The following BAZ2B variants were observed in gnomAD, a reference collection of about 807,000 sequenced individuals.
The protein encoded by BAZ2B is bromodomain adjacent to zinc finger domain protein 2B.
Under a neutral mutation model 246.0 loss-of-function variants are expected in BAZ2B, and 91 were observed. The ratio of observed to expected loss-of-function variants is 0.37; its 90% confidence interval spans 0.31 to 0.44. BAZ2B has a LOEUF of 0.44. Among genes scored for constraint, BAZ2B ranks in the 20% least tolerant of loss-of-function variants. The probability of loss-of-function intolerance (pLI) is 1.00; values close to 1 mark genes in which losing one functional copy is unlikely to be tolerated. For missense variants in BAZ2B, 2,332 were observed against 2,533.7 expected, an observed-to-expected ratio of 0.92 and a Z score of 1.71; for synonymous variants, 855 against 860.0, an observed-to-expected ratio of 0.99 and a Z score of 0.10.
intron 30 of BAZ2B, among the ~76,000 whole-genome samples, chr2:159,348,016 T>C (rs1172856096): frequency 1.3e-5 from 2 of 152,054 alleles, no homozygotes. Context: ...GATGTTCACA[T>C]CCCTTATATA....
chr2:159,698,297 G>A, the BAZ2B span, among the ~76,000 whole-genome samples: 1 of 151,930 alleles, frequency 6.6e-6, no homozygotes, highest in South Asian at 2.1e-4. Context: ...TGAGGTGGGA[G>A]GATTGCTTGA....
At chr2:159,628,860 A>G in the BAZ2B span, among the ~76,000 whole-genome samples, 5 of 152,228 alleles carry the variant, frequency 3.3e-5, no homozygotes, top group African/African-American at 1.2e-4. Flanking sequence ...AGCAAAAGAA[A>G]CTATCATCAG....
At chr2:159,699,787 G>A in the BAZ2B span, among the ~76,000 whole-genome samples, 1 of 152,066 alleles carries the variant, frequency 6.6e-6, no homozygotes, top group South Asian at 2.1e-4. Context: ...TAATTACAAG[G>A]AATTTTATCA....
At chr2:159,585,693 C>G (rs114716833) in intron 1 of BAZ2B, among the ~76,000 whole-genome samples, 1,920 of 152,208 alleles carry the variant, frequency 0.013, 24 homozygotes, top group African/African-American at 0.044. Flanking sequence ...ATTTCTGATA[C>G]CCAGAATTAT....
chr2:159,637,806 T>G, the BAZ2B span, among the ~76,000 whole-genome samples: 2 of 152,164 alleles, frequency 1.3e-5, no homozygotes, highest in African/African-American at 4.8e-5. Context: ...AAGCAATCCA[T>G]CTACCTCAGC....
the BAZ2B span, among the ~76,000 whole-genome samples, chr2:159,631,689 A>T: frequency 4.6e-5 from 7 of 152,338 alleles, no homozygotes; most frequent in East Asian, 1.4e-3. Flanking sequence ...ACAAATGTGT[A>T]TTTTAATAAA....
chr2:159,637,854 ACCTGGC>A, the BAZ2B span, among the ~76,000 whole-genome samples: 1 of 152,190 alleles, frequency 6.6e-6, no homozygotes, highest in Non-Finnish European at 1.5e-5. Context: ...GAGCCACCAC[ACCTGGC>A]TGTAAATTTC....
Position 159,406,961 on chromosome 2 carries a change from AGACAG to A in BAZ2B, c.2678-1852_2678-1848del, listed in dbSNP as rs2066037551. 4.0e-5 allele frequency among the ~76,000 whole-genome samples: 6 copies of A among 151,694 alleles called. No individual in the cohort carries two copies. The South Asian group carries it at 1.3e-3, about 32-fold the overall frequency. ...AGTAGAGACGGGGTTTCACCGTGTT[AGACAG>A]GATGGTCTCGATCTCCTGACCTCGT... is the stretch of plus-strand genomic sequence containing the variant. On this transcript the variant is annotated intron_variant, in intron 14 of 36. Coordinates refer to ENST00000392783, the MANE Select transcript of BAZ2B (RefSeq NM_013450.4).
chr2:159,684,838 G>T, the BAZ2B span, among the ~76,000 whole-genome samples: 2 of 152,120 alleles, frequency 1.3e-5, no homozygotes, highest in African/African-American at 4.8e-5. Context: ...AAAATAATTT[G>T]ATTTAGTAGT....
At chr2:159,326,047 T>C (rs1308786281) in intron 34 of BAZ2B, 129 bp from the exon 35 acceptor site, 7 of 762,694 alleles carry the variant, frequency 9.2e-6, no homozygotes, top group Non-Finnish European at 1.4e-5. Context: ...TGTTGATAAC[T>C]ATTATTCTTA....
chr2:159,703,495 A>C, the BAZ2B span, among the ~76,000 whole-genome samples: 1 of 934 alleles, frequency 1.1e-3, no homozygotes, highest in East Asian at 3.5e-3. Context: ...TACCCCCCGC[A>C]AAAAAAAAGC....
chr2:159,452,607 A>G (rs764819957), intron 4 of BAZ2B, among the ~76,000 whole-genome samples: 15 of 152,234 alleles, frequency 9.9e-5, no homozygotes, highest in Non-Finnish European at 2.1e-4. Context: ...ACTAAAATTT[A>G]TTAAAGCCAA....
At position 159,374,077 on chromosome 2, in the gene BAZ2B, T is replaced by C. The variant is rs1463505816; in HGVS notation, c.4068+614A>G. ...TTCAGTTTTTCTTAGTTTTTTTTTC[T>C]TTTTTTTTTTTTTTTAGAGACAGGG... On this transcript the variant is annotated intron_variant, in intron 26 of 36. Coordinates refer to ENST00000392783, the MANE Select transcript of BAZ2B (RefSeq NM_013450.4). 3.7e-3 allele frequency among the ~76,000 whole-genome samples: 36 copies of C among 9,628 alleles called. No individual in the cohort carries two copies. In the South Asian group the frequency reaches 0.068, roughly 18 times the overall value. 6.3% of individuals were successfully genotyped at this position (9,628 alleles called of 152,430 possible).
the BAZ2B span, among the ~76,000 whole-genome samples, chr2:159,704,561 C>T: frequency 6.8e-6 from 1 of 147,960 alleles, no homozygotes; most frequent in Non-Finnish European, 1.5e-5. Context: ...CAGCTCACTG[C>T]GACCTCCACC....
the BAZ2B span, among the ~76,000 whole-genome samples, chr2:159,637,941 G>A: frequency 2.6e-5 from 4 of 152,122 alleles, no homozygotes; most frequent in Non-Finnish European, 5.9e-5. Context: ...GGAGGAACTC[G>A]CCACCCTGAA....
chr2:159,488,747 G>GA, intron 2 of BAZ2B, among the ~76,000 whole-genome samples: 1 of 152,030 alleles, frequency 6.6e-6, no homozygotes, highest in South Asian at 2.1e-4. Context: ...TTTAGCATAG[G>GA]AAAAACTACT....
the BAZ2B span, among the ~76,000 whole-genome samples, chr2:159,695,668 T>C: frequency 6.6e-6 from 1 of 152,206 alleles, no homozygotes; most frequent in East Asian, 1.9e-4. Flanking sequence ...CTTGGCATTC[T>C]TGAAGAAAAT....
rs541493479 is a variant in BAZ2B at position 159,412,437 on chromosome 2, C to T, written c.2575G>A (p.Glu859Lys). The T allele has an allele frequency of 6.2e-7, 1 of 1,614,136 alleles. No homozygotes were observed. The highest frequency in any genetic ancestry group is 1.3e-5 in the African/African-American group (1 of 75,038). The change falls in exon 14 of 37, where the codon GAA (glutamate) becomes AAA (lysine). Residue 859 changes from glutamate to lysine, a missense_variant. Glu to Lys is a moderately conservative substitution (Grantham distance 56). Around this residue, in one of 9 missense-constraint regions of BAZ2B, gnomAD observed 651 missense variants for 650.9 expected, o/e 1.00. Coordinates refer to ENST00000392783, the MANE Select transcript of BAZ2B (RefSeq NM_013450.4). ...PNPDRQRARE[E>K]SRMRRRKGRP... The stretch of plus-strand genomic sequence containing the variant: ...CCTTTCCGACGTCTCATCCTGGATT[C>T]CTCTCTTGCTCGTTGTCTATCTGGA...
intron 33 of BAZ2B, among the ~76,000 whole-genome samples, chr2:159,333,388 GTT>G (rs1243594857): frequency 1.3e-5 from 2 of 151,940 alleles, no homozygotes; most frequent in African/African-American, 4.8e-5. Context: ...AAAACTAGTT[GTT>G]TTCTACTGAA....
Sources: allele counts gnomAD v4.1 joint callset (sites outside exome capture counted in the v4.1 genomes callset), GRCh38; gene constraint gnomAD v4.1.1; regional missense constraint gnomAD v4.1.1; transcripts MANE v1.5; gene names NCBI Gene and HGNC (gene_info 2026-07-23, HGNC 2026-07-21).